Variants in TMTC1 observed in about 807,000 individuals in gnomAD.
TMTC1 encodes transmembrane O-mannosyltransferase targeting cadherins 1.
TMTC1 carries 73 observed loss-of-function variants against 104.8 expected under a neutral mutation model. The ratio of observed to expected loss-of-function variants is 0.70; its 90% confidence interval spans 0.58 to 0.85. TMTC1 has a LOEUF of 0.85. TMTC1 is among the 40% of genes least tolerant of loss of function. The probability of loss-of-function intolerance (pLI) is 0.00; values close to 1 mark genes in which losing one functional copy is unlikely to be tolerated. For synonymous variants in TMTC1, 434 were observed against 428.7 expected (o/e 1.01, Z -0.15); for missense variants, 1,035 against 1,096.1 (o/e 0.94, Z 0.79).
intron 5 of TMTC1, among the ~76,000 whole-genome samples, chr12:29,636,675 G>A (rs1268595346): frequency 4.6e-5 from 7 of 151,732 alleles, no homozygotes; most frequent in Non-Finnish European, 7.4e-5. Flanking sequence ...AAAATTAGCC[G>A]GGTGTGGTGG....
At chr12:29,614,073 A>G (rs1180746076) in intron 6 of TMTC1, 1 of 202,700 alleles carries the variant, frequency 4.9e-6, no homozygotes, top group Non-Finnish European at 8.7e-6. Context: ...CCAAAAGATA[A>G]TCATCCATCC....
chr12:29,644,149 G>GTGTATA (rs1174156187), intron 5 of TMTC1, among the ~76,000 whole-genome samples: 32 of 49,384 alleles, frequency 6.5e-4, no homozygotes, highest in African/African-American at 2.2e-3. Flanking sequence ...GTGTGTGTGT[G>GTGTATA]TATATATATA....
intron 5 of TMTC1, among the ~76,000 whole-genome samples, chr12:29,706,414 T>A (rs1941745411): frequency 6.6e-6 from 1 of 152,238 alleles, no homozygotes; most frequent in Non-Finnish European, 1.5e-5. Context: ...TCCTTCTGCC[T>A]AACCATTGCA....
chr12:29,771,919 C>T (rs1398023633), intron 1 of TMTC1, among the ~76,000 whole-genome samples: 1 of 152,190 alleles, frequency 6.6e-6, no homozygotes, highest in Non-Finnish European at 1.5e-5. Context: ...TTTATGGCTA[C>T]ATCCACAGTG....
intron 5 of TMTC1, among the ~76,000 whole-genome samples, chr12:29,729,189 T>C (rs1942483515): frequency 6.6e-6 from 1 of 151,346 alleles, no homozygotes; most frequent in Non-Finnish European, 1.5e-5. Context: ...CAATAACCTA[T>C]CTTATAGGGT....
chr12:29,737,446 G>A (rs1942709093), intron 5 of TMTC1, among the ~76,000 whole-genome samples: 2 of 152,264 alleles, frequency 1.3e-5, no homozygotes, highest in East Asian at 1.9e-4. Flanking sequence ...CCTGGGAGGC[G>A]GGGGTTGCGG....
At chr12:29,681,099 C>CAAAA (rs71045827) in intron 5 of TMTC1, among the ~76,000 whole-genome samples, 4 of 107,202 alleles carry the variant, frequency 3.7e-5, no homozygotes, top group African/African-American at 1.1e-4. Context: ...ACCCTGTCTC[C>CAAAA]AAAAAAAAAA....
At chr12:29,633,525 T>A (rs887062601) in intron 5 of TMTC1, among the ~76,000 whole-genome samples, 189 bp from the exon 6 acceptor site, 1 of 152,206 alleles carries the variant, frequency 6.6e-6, no homozygotes, top group African/African-American at 2.4e-5. Context: ...ATATATCTAA[T>A]AGGTTCTAGC....
intron 5 of TMTC1, among the ~76,000 whole-genome samples, chr12:29,673,825 T>A (rs1052227753): frequency 1.4e-5 from 2 of 142,548 alleles, no homozygotes; most frequent in African/African-American, 5.2e-5. Context: ...AATGGTGAGA[T>A]CTCGGCTCAC....
At chr12:29,630,741 C>G (rs1444339286) in intron 6 of TMTC1, among the ~76,000 whole-genome samples, 10 of 152,178 alleles carry the variant, frequency 6.6e-5, no homozygotes, top group Non-Finnish European at 1.5e-4. Flanking sequence ...TATTCACAGA[C>G]ACGATATTCA....
At chr12:29,615,559 C>T (rs1946955316) in intron 6 of TMTC1, among the ~76,000 whole-genome samples, 1 of 152,154 alleles carries the variant, frequency 6.6e-6, no homozygotes, top group Admixed American at 6.6e-5. Context: ...AATGAATGAG[C>T]TCTTCTAGGT....
chr12:29,694,811 G>A (rs1242646435), intron 5 of TMTC1, among the ~76,000 whole-genome samples: 1 of 152,096 alleles, frequency 6.6e-6, no homozygotes, highest in East Asian at 1.9e-4. Context: ...ATGATGGTGG[G>A]TGCCTGTAAT....
Position 29,583,425 on chromosome 12 carries a change from G to C in TMTC1, c.1400C>G (p.Ser467Ter). 6.2e-7 allele frequency: 1 copy of C among 1,613,830 alleles called. No homozygotes were observed. Among genetic ancestry groups the C allele is most frequent in the Non-Finnish European group, 8.5e-7 (1 of 1,179,846 alleles). ...GTCATACCTGAATAGGGACTCTCTT[G>C]ACAGCCAAATTTCATTCTGTTTCAC... ...KTVKQNEIWL[S>*]RESLFRSGVQ... Residue 467 changes from serine (S) to a stop codon, truncating the protein, a stop_gained, in exon 8 of 18, where the codon TCA becomes TGA. Coordinates refer to ENST00000539277, the MANE Select transcript of TMTC1 (RefSeq NM_001193451.2). LOFTEE classifies it high-confidence loss of function.
At chr12:29,615,337 C>G (rs1314432739) in intron 6 of TMTC1, among the ~76,000 whole-genome samples, 1 of 152,166 alleles carries the variant, frequency 6.6e-6, no homozygotes, top group Non-Finnish European at 1.5e-5. Context: ...CGCTGAGGTG[C>G]ATGTAACAAT....
intron 5 of TMTC1, among the ~76,000 whole-genome samples, chr12:29,697,212 C>G (rs1425313243): frequency 6.6e-6 from 1 of 152,228 alleles, no homozygotes; most frequent in Non-Finnish European, 1.5e-5. Flanking sequence ...CCACTACATA[C>G]TACATACTAG....
chr12:29,627,558 A>G (rs1223518766), intron 6 of TMTC1, among the ~76,000 whole-genome samples: 4 of 152,226 alleles, frequency 2.6e-5, no homozygotes, highest in Non-Finnish European at 4.4e-5. Flanking sequence ...CAGTGCTTCA[A>G]AAAGTTGAAA....
intron 6 of TMTC1, among the ~76,000 whole-genome samples, chr12:29,624,369 G>A (rs960652337): frequency 2.0e-5 from 3 of 152,142 alleles, no homozygotes; most frequent in Non-Finnish European, 4.4e-5. Flanking sequence ...CAGAGGTCAG[G>A]TGGAAGAAGT....
intron 11 of TMTC1, among the ~76,000 whole-genome samples, chr12:29,522,342 G>A (rs909310817): frequency 3.3e-5 from 5 of 152,132 alleles, no homozygotes; most frequent in African/African-American, 1.2e-4. Flanking sequence ...CTACATTTAA[G>A]TAACATTAGG....
rs1342670194 is a variant in TMTC1 at position 29,644,139 on chromosome 12, GTGTGTGTGTGTA to G, written c.939-10815_939-10804del. On this transcript the variant is annotated intron_variant, in intron 5 of 17. Coordinates refer to ENST00000539277, the MANE Select transcript of TMTC1 (RefSeq NM_001193451.2). ...TGTGTGTGTGTGTGTGTGTGTGTGT[GTGTGTGTGTGTA>G]TATATATATATAATGAAATACTAAA... Among the ~76,000 whole-genome samples, 307 of 102,146 alleles carry G rather than the reference GTGTGTGTGTGTA, an allele frequency of 3.0e-3. 21 individuals carry two copies. Among genetic ancestry groups the G allele is most frequent in the African/African-American group, 0.011 (289 of 25,290 alleles). The allele number at this position is 102,146 out of a possible 152,430, so 67.0% of individuals were successfully genotyped here. A position where few individuals can be genotyped will look rare whatever the true frequency, so the allele number is the denominator to read the frequency against.
Sources: gnomAD v4.1 joint callset for allele counts (sites outside exome capture counted in the v4.1 genomes callset) on GRCh38, gnomAD v4.1.1 for gene constraint, MANE v1.5 for transcripts, NCBI Gene and HGNC (gene_info 2026-07-23, HGNC 2026-07-21) for gene names.